The following BNIP2 variants were observed in gnomAD, a reference collection of about 807,000 sequenced individuals.
BNIP2 encodes BCL2 interacting protein 2, also known as BCL2/adenovirus E1B 19 kDa protein-interacting protein 2.
Under a neutral mutation model 43.4 loss-of-function variants are expected in BNIP2, and 36 were observed. The observed-to-expected ratio is 0.83, with a 90% confidence interval of 0.64 to 1.10. The LOEUF (loss-of-function observed/expected upper bound fraction) is 1.10, where lower values mean the gene tolerates loss of function less well. Ranked by LOEUF, BNIP2 falls within the 50% of genes least tolerant of loss-of-function variation. The pLI is 0.00. For synonymous variants in BNIP2, 146 were observed against 121.0 expected, an observed-to-expected ratio of 1.21 and a Z score of -1.35; for missense variants, 417 against 374.1, an observed-to-expected ratio of 1.11 and a Z score of -0.95.
intron 5 of BNIP2, 88 bp downstream of exon 5, chr15:59,677,823 T>C: frequency 1.4e-6 from 2 of 1,467,674 alleles, no homozygotes; most frequent in South Asian, 1.4e-5. Flanking sequence ...ACAGGGCTTA[T>C]TTACTCTTAA....
At chr15:59,683,119 G>A (rs1316451279) in intron 1 of BNIP2, among the ~76,000 whole-genome samples, 3 of 152,064 alleles carry the variant, frequency 2.0e-5, no homozygotes, top group South Asian at 2.1e-4. Flanking sequence ...CATATAGCTC[G>A]GCATATGTTT....
chr15:59,681,399 T>C (rs1306758403), intron 2 of BNIP2, among the ~76,000 whole-genome samples: 1 of 152,142 alleles, frequency 6.6e-6, no homozygotes, highest in South Asian at 2.1e-4. Flanking sequence ...AAAATCCTTA[T>C]TAATTTACTT....
intron 3 of BNIP2, 105 bp from the exon 4 acceptor site, chr15:59,679,873 T>A: frequency 2.0e-6 from 2 of 1,013,570 alleles, no homozygotes; most frequent in Non-Finnish European, 2.7e-6. Flanking sequence ...AAAATAATAT[T>A]AATTGAACAT....
chr15:59,688,056 C>T (rs1894131980), intron 1 of BNIP2, among the ~76,000 whole-genome samples: 1 of 152,182 alleles, frequency 6.6e-6, no homozygotes, highest in South Asian at 2.1e-4. Flanking sequence ...TTATGATAAT[C>T]TAGTTCAAGT....
rs1185430459 is a variant in BNIP2, at chr15:59,668,017, T to C, written c.893+875A>G. 7.4e-6 allele frequency: 7 copies of C among 945,864 alleles called. No homozygotes were observed. The African/African-American group carries it at 1.2e-4, about 17-fold the overall frequency. The allele number at this position is 945,864 out of a possible 1,614,324, so 58.6% of individuals were successfully genotyped here. A position where few individuals can be genotyped will look rare whatever the true frequency, so the allele number is the denominator to read the frequency against. ...ATTTGCAAATGCTATTATCTTTGTC[T>C]ACAAGCTAACCAACCAATAAGGAAG... On this transcript the variant is annotated intron_variant, in intron 9 of 9. Transcript: ENST00000607373.
chr15:59,687,845 C>T (rs1322275835), intron 1 of BNIP2, among the ~76,000 whole-genome samples: 1 of 152,048 alleles, frequency 6.6e-6, no homozygotes, highest in African/African-American at 2.4e-5. Flanking sequence ...ATGCATGACA[C>T]TTGTGTTATC....
intron 9 of BNIP2, among the ~76,000 whole-genome samples, chr15:59,666,318 TATC>T (rs1892564138): frequency 6.6e-6 from 1 of 152,156 alleles, no homozygotes; most frequent in Admixed American, 6.5e-5. Flanking sequence ...CACCACTACT[TATC>T]ATATCATGCA....
At chr15:59,678,625 T>C in intron 4 of BNIP2, 1 of 1,151,796 alleles carries the variant, frequency 8.7e-7, no homozygotes. Flanking sequence ...AGAAGTCTAT[T>C]TAAATTAGCA....
At chr15:59,668,173 T>A (rs1892679448) in intron 9 of BNIP2, 2 of 1,157,102 alleles carry the variant, frequency 1.7e-6, no homozygotes, top group South Asian at 2.8e-5. Context: ...TAAATATACA[T>A]GTTATGAAAA....
At chr15:59,688,878 G>A in intron 1 of BNIP2, 1 of 1,232,108 alleles carries the variant, frequency 8.1e-7, no homozygotes, top group Non-Finnish European at 1.1e-6. Flanking sequence ...ACAACTACCA[G>A]AAACGGAAAA....
chr15:59,678,553 C>T, intron 4 of BNIP2: 1 of 1,097,890 alleles, frequency 9.1e-7, no homozygotes, highest in Non-Finnish European at 1.1e-6. Flanking sequence ...TCAATGATCA[C>T]TTCTCATTTG....
intron 5 of BNIP2, among the ~76,000 whole-genome samples, chr15:59,675,218 C>T (rs1893199825): frequency 1.4e-5 from 2 of 145,722 alleles, no homozygotes; most frequent in African/African-American, 5.1e-5. Context: ...CACTGCACTC[C>T]AGCCTGGGTG....
chr15:59,664,689 T>C (rs1394948383), intron 9 of BNIP2, among the ~76,000 whole-genome samples: 2 of 152,136 alleles, frequency 1.3e-5, no homozygotes, highest in East Asian at 1.9e-4. Context: ...CCATAAACTT[T>C]CTTAAAAGTT....
At chr15:59,676,251 C>T (rs749182700) in intron 5 of BNIP2, among the ~76,000 whole-genome samples, 2 of 152,144 alleles carry the variant, frequency 1.3e-5, no homozygotes, top group Non-Finnish European at 2.9e-5. Flanking sequence ...GCCACTGAAG[C>T]CTCATCTTCC....
intron 9 of BNIP2, chr15:59,668,001 T>C: frequency 2.7e-6 from 2 of 739,388 alleles, no homozygotes; most frequent in Non-Finnish European, 3.9e-6. Flanking sequence ...TATTTGCAAA[T>C]GCTATTATCT....
In BNIP2 at chr15:59,660,139, CTCTT is replaced by C. The variant is rs1892175969; in HGVS notation, c.*3926_*3929del. ...TTCCCATTCAAGTCTAAGTTCTTGA[CTCTT>C]TCTCGCAGCAACTCAAACTACACAA... On this transcript the variant is annotated 3_prime_UTR_variant, in exon 10 of 10. Coordinates refer to ENST00000607373, the MANE Select transcript of BNIP2 (RefSeq NM_004330.4). The C allele has an allele frequency of 6.6e-6, 1 of 152,206 alleles. No homozygotes were observed. Among genetic ancestry groups the C allele is most frequent in the African/African-American group, 2.4e-5 (1 of 41,432 alleles). 9.4% of individuals were successfully genotyped at this position (152,206 alleles called of 1,614,324 possible). A position where few individuals can be genotyped will look rare whatever the true frequency, so the allele number is the denominator to read the frequency against.
chr15:59,674,867 G>A (rs1893168103), intron 5 of BNIP2, among the ~76,000 whole-genome samples: 1 of 152,160 alleles, frequency 6.6e-6, no homozygotes. Context: ...TTTCTTAAGG[G>A]CAGGGACTTA....
At chr15:59,680,434 T>C in intron 2 of BNIP2, 126 bp from the exon 3 acceptor site, 1 of 687,176 alleles carries the variant, frequency 1.5e-6, no homozygotes, top group Non-Finnish European at 2.2e-6. Flanking sequence ...AGTGTTGTTG[T>C]TTTTGAGACA....
chr15:59,664,170 T>C (rs1333667611), intron 9 of BNIP2, 50 bp from the exon 10 acceptor site: 3 of 1,261,836 alleles, frequency 2.4e-6, no homozygotes, highest in Non-Finnish European at 3.3e-6. Flanking sequence ...TGAACAATTT[T>C]CTTTCTAAAA....
Sources: allele counts gnomAD v4.1 joint callset (sites outside exome capture counted in the v4.1 genomes callset), GRCh38; gene constraint gnomAD v4.1.1; transcripts MANE v1.5; gene names NCBI Gene and HGNC (gene_info 2026-07-23, HGNC 2026-07-21).